The following TSPAN9 variants were observed in gnomAD, a reference collection of about 807,000 sequenced individuals.
The protein encoded by TSPAN9 is tetraspanin 9.
TSPAN9 carries 16 observed loss-of-function variants against 31.0 expected under a neutral mutation model. The ratio of observed to expected loss-of-function variants is 0.52; its 90% CI spans 0.35 to 0.78. TSPAN9 has a LOEUF of 0.78. TSPAN9 is among the 30% of genes least tolerant of loss of function. The pLI, the probability that TSPAN9 is intolerant of heterozygous loss-of-function variation, is 0.01. For missense variants in TSPAN9, 272 were observed against 312.5 expected, an observed-to-expected ratio of 0.87 and a Z score of 0.98; for synonymous variants, 145 against 121.6, an observed-to-expected ratio of 1.19 and a Z score of -1.27.
At chr12:3,253,085 C>T (rs1036217902) in intron 3 of TSPAN9, among the ~76,000 whole-genome samples, 1 of 152,158 alleles carries the variant, frequency 6.6e-6, no homozygotes, top group African/African-American at 2.4e-5. Flanking sequence ...ATCTGACCCA[C>T]CTCTCAGAAG....
intron 2 of TSPAN9, among the ~76,000 whole-genome samples, chr12:3,164,146 G>C (rs2098347027): frequency 6.6e-6 from 1 of 152,240 alleles, no homozygotes; most frequent in Non-Finnish European, 1.5e-5. Context: ...GAAGGAAACG[G>C]TGGCCTGCTC....
At chr12:3,177,506 C>T (rs1050701441) in intron 2 of TSPAN9, among the ~76,000 whole-genome samples, 1 of 152,152 alleles carries the variant, frequency 6.6e-6, no homozygotes, top group African/African-American at 2.4e-5. Context: ...AATCTTGGCT[C>T]ACTGCACTCT....
intron 2 of TSPAN9, among the ~76,000 whole-genome samples, chr12:3,127,894 G>T (rs180846633): frequency 2.0e-5 from 3 of 152,154 alleles, no homozygotes; most frequent in Non-Finnish European, 4.4e-5. Context: ...CGTATTAGCT[G>T]GGACTACAGG....
At chr12:3,119,638 C>T (rs2098324156) in intron 2 of TSPAN9, among the ~76,000 whole-genome samples, 1 of 152,200 alleles carries the variant, frequency 6.6e-6, no homozygotes, top group African/African-American at 2.4e-5. Context: ...GCTGTGAATG[C>T]ACCCCCGCTC....
intron 2 of TSPAN9, among the ~76,000 whole-genome samples, chr12:3,105,475 A>G (rs2098313863): frequency 6.7e-6 from 1 of 148,982 alleles, no homozygotes; most frequent in South Asian, 2.1e-4. Context: ...TTGGGGTCAG[A>G]GAGTAAGGCT....
At chr12:3,198,176 T>C (rs1313727046) in intron 2 of TSPAN9, among the ~76,000 whole-genome samples, 129 of 12,116 alleles carry the variant, frequency 0.011, no homozygotes, top group East Asian at 0.025. Context: ...CCAGCACAGC[T>C]CACCACCAGC....
At chr12:3,182,321 G>A (rs1398542639) in intron 2 of TSPAN9, among the ~76,000 whole-genome samples, 1 of 151,948 alleles carries the variant, frequency 6.6e-6, no homozygotes, top group African/African-American at 2.4e-5. Flanking sequence ...GGGCTTCAGG[G>A]TTTTGGAGGT....
At chr12:3,098,488 A>G (rs2098310232) in intron 2 of TSPAN9, among the ~76,000 whole-genome samples, 1 of 152,146 alleles carries the variant, frequency 6.6e-6, no homozygotes, top group South Asian at 2.1e-4. Flanking sequence ...ACCTGTCTAG[A>G]ACAAGGTGGT....
chr12:3,092,955 C>A (rs967651409), intron 2 of TSPAN9, among the ~76,000 whole-genome samples: 1 of 152,230 alleles, frequency 6.6e-6, no homozygotes, highest in Non-Finnish European at 1.5e-5. Context: ...GCGAGTGCTT[C>A]CAGCCTGCTC....
At chr12:3,270,826 G>A (rs559277125) in intron 3 of TSPAN9, among the ~76,000 whole-genome samples, 4 of 152,386 alleles carry the variant, frequency 2.6e-5, no homozygotes, top group African/African-American at 9.6e-5. Context: ...TGCAAGAGGT[G>A]TAGGTATTGT....
chr12:3,179,930 T>G (rs1479862450), intron 2 of TSPAN9, among the ~76,000 whole-genome samples: 1 of 152,136 alleles, frequency 6.6e-6, no homozygotes, highest in African/African-American at 2.4e-5. Context: ...ATCTTGAGAG[T>G]GAATCCCAGT....
intron 3 of TSPAN9, among the ~76,000 whole-genome samples, chr12:3,221,756 A>G (rs912887929): frequency 6.6e-6 from 1 of 152,192 alleles, no homozygotes; most frequent in Non-Finnish European, 1.5e-5. Context: ...CCTGGGCTCA[A>G]GTGATACTCC....
intron 2 of TSPAN9, among the ~76,000 whole-genome samples, chr12:3,105,867 C>T (rs908160142): frequency 3.4e-5 from 5 of 146,482 alleles, no homozygotes; most frequent in African/African-American, 1.1e-4. Context: ...CACACACACA[C>T]GCTCACACAC....
intron 3 of TSPAN9, among the ~76,000 whole-genome samples, chr12:3,274,049 C>T (rs1463788603): frequency 3.3e-5 from 5 of 151,986 alleles, no homozygotes; most frequent in South Asian, 2.1e-4. Flanking sequence ...GGGTAGGGGG[C>T]GGGGTTTCTC....
At chr12:3,141,180 C>T (rs1284284397) in intron 2 of TSPAN9, among the ~76,000 whole-genome samples, 1 of 152,022 alleles carries the variant, frequency 6.6e-6, no homozygotes, top group East Asian at 1.9e-4. Flanking sequence ...TCTCAAATAC[C>T]CCGTGTCAGG....
intron 2 of TSPAN9, 158 bp from the exon 3 acceptor site, chr12:3,201,019 G>A (rs909410670): frequency 3.2e-6 from 2 of 634,480 alleles, no homozygotes; most frequent in Non-Finnish European, 5.5e-6. Context: ...CCGGCCGCCC[G>A]TTCGGCCGCG....
chr12:3,195,700 G>T (rs182244513), intron 2 of TSPAN9, among the ~76,000 whole-genome samples: 12 of 152,274 alleles, frequency 7.9e-5, no homozygotes, highest in African/African-American at 2.9e-4. Context: ...GCTTCCTAGG[G>T]CACCGGTTAA....
chr12:3,221,644 C>A (rs141277817), intron 3 of TSPAN9, among the ~76,000 whole-genome samples: 186 of 152,212 alleles, frequency 1.2e-3, no homozygotes, highest in African/African-American at 4.4e-3. Flanking sequence ...TAGGCGTGAG[C>A]CACCGTGCTC....
intron 2 of TSPAN9, among the ~76,000 whole-genome samples, chr12:3,181,082 G>A (rs566968896): frequency 6.6e-6 from 1 of 152,008 alleles, no homozygotes; most frequent in African/African-American, 2.4e-5. Context: ...GGGGATGTTT[G>A]CTTGGGGAAG....
Sources: allele counts gnomAD v4.1 joint callset (sites outside exome capture counted in the v4.1 genomes callset), GRCh38; gene constraint gnomAD v4.1.1; transcripts MANE v1.5; gene names NCBI Gene and HGNC (gene_info 2026-07-23, HGNC 2026-07-21).